Variants in PPP6R1 observed in about 807,000 individuals in gnomAD.
PPP6R1 encodes the protein protein phosphatase 6 regulatory subunit 1.
Under a neutral mutation model 104.6 loss-of-function variants are expected in PPP6R1, and 39 were observed. The observed-to-expected ratio is 0.37, with a 90% CI of 0.29 to 0.49. The LOEUF (loss-of-function observed/expected upper bound fraction) is 0.49, where lower values mean the gene tolerates loss of function less well. Among genes scored for constraint, PPP6R1 ranks in the 20% least tolerant of loss-of-function variants. The probability of loss-of-function intolerance (pLI) is 0.98; values close to 1 mark genes in which losing one functional copy is unlikely to be tolerated. For missense variants in PPP6R1, 1,181 were observed against 1,155.8 expected (o/e 1.02, Z -0.32); for synonymous variants, 549 against 479.0 (o/e 1.15, Z -1.91).
At chr19:55,229,264 G>C (rs1367694585), downstream of PPP6R1, 1 of 159,030 alleles carries the variant, frequency 6.3e-6, no homozygotes, top group Non-Finnish European at 1.4e-5. Flanking sequence ...GGGTGACCAG[G>C]AGGGACCACC....
In PPP6R1 at chr19:55,247,398, G is replaced by T. The variant is rs2087519198; in HGVS notation, c.-6-289C>A. On this transcript the variant is annotated intron_variant, in intron 1 of 23. Coordinates refer to ENST00000412770, the MANE Select transcript of PPP6R1 (RefSeq NM_014931.4). ...CGGCCGCCTCGCCTGAGGTCCAGGGGGTCATTTCACACCTGAGGCCTCAGG... is the reference window on the plus strand; with the variant it reads ...CGGCCGCCTCGCCTGAGGTCCAGGGTGTCATTTCACACCTGAGGCCTCAGG... 2.9e-5 allele frequency: 13 copies of T among 450,960 alleles called. No individual in the cohort carries two copies. In the Admixed American group the frequency reaches 4.8e-4, roughly 17 times the overall value. The allele number at this position is 450,960 out of a possible 1,614,324, so 27.9% of individuals were successfully genotyped here.
At position 55,246,899 on chromosome 19, in the gene PPP6R1, C is replaced by A; in HGVS notation, c.205G>T (p.Gly69Cys). ...CACTTGTAGCGCAGCCGCTCCTCAC[C>A]GCTATCTGGCGGCTCCTGGGTGACC... ...AWVTQEPPDS[G>C]EERLRYKYPS... Residue 69 changes from glycine to cysteine, a missense_variant, in exon 2 of 24, where the codon GGT becomes TGT. Transcript: ENST00000412770. 2 of 1,610,346 alleles carry A rather than the reference C, an allele frequency of 1.2e-6. No homozygotes were observed. Among genetic ancestry groups the A allele is most frequent in the South Asian group, 2.2e-5 (2 of 90,624 alleles).
intron 5 of PPP6R1, among the ~76,000 whole-genome samples, chr19:55,243,368 G>C (rs1185366902): frequency 1.1e-4 from 16 of 145,892 alleles, no homozygotes; most frequent in Admixed American, 1.1e-3. Context: ...AGCCGAGATC[G>C]TGCCACTGCA....
At chr19:55,235,519 C>CTTTTTTTTT (rs1243985127) in intron 17 of PPP6R1, among the ~76,000 whole-genome samples, 1 of 141,992 alleles carries the variant, frequency 7.0e-6, no homozygotes, top group Non-Finnish European at 1.5e-5. Context: ...AATTAGATTC[C>CTTTTTTTTT]TTTTTTTTTT....
intron 1 of PPP6R1, among the ~76,000 whole-genome samples, chr19:55,257,183 G>A (rs1326969974): frequency 1.3e-5 from 2 of 151,902 alleles, no homozygotes; most frequent in Admixed American, 6.6e-5. Flanking sequence ...GTGTCTCCAT[G>A]TGTGTTGTGC....
downstream of PPP6R1, chr19:55,228,877 GTT>G: frequency 2.2e-6 from 2 of 896,608 alleles, no homozygotes; most frequent in Non-Finnish European, 3.5e-6. Context: ...CCAGGGAGAT[GTT>G]GTCCTCACCC....
intron 1 of PPP6R1, among the ~76,000 whole-genome samples, chr19:55,255,301 A>T (rs2087584265): frequency 6.6e-6 from 1 of 152,230 alleles, no homozygotes; most frequent in East Asian, 1.9e-4. Flanking sequence ...GGTTTAAAGG[A>T]AAGAAAGGAA....
chr19:55,254,159 G>A (rs899012714), intron 1 of PPP6R1, among the ~76,000 whole-genome samples: 4 of 152,206 alleles, frequency 2.6e-5, no homozygotes, highest in African/African-American at 9.7e-5. Context: ...CAGACCATTC[G>A]GATACTACGG....
intron 7 of PPP6R1, 86 bp downstream of exon 7, chr19:55,242,080 T>C: frequency 7.6e-7 from 1 of 1,309,732 alleles, no homozygotes; most frequent in South Asian, 1.2e-5. Context: ...GGGATTTCTC[T>C]TGGTGGACAC....
intron 1 of PPP6R1, among the ~76,000 whole-genome samples, chr19:55,251,876 A>G (rs1482828745): frequency 1.3e-5 from 2 of 152,188 alleles, no homozygotes; most frequent in Non-Finnish European, 1.5e-5. Context: ...CAAATTTATC[A>G]TGACTCTGCC....
rs574657141 is a variant in PPP6R1, at chr19:55,232,412, CG to C, written c.1989-202del. The C allele has an allele frequency of 9.5e-5, 66 of 698,070 alleles. No homozygotes were observed. In the South Asian group the frequency reaches 1.4e-3, roughly 15 times the overall value. 43.2% of individuals were successfully genotyped at this position (698,070 alleles called of 1,614,324 possible). A position where few individuals can be genotyped will look rare whatever the true frequency, so the allele number is the denominator to read the frequency against. On this transcript the variant is annotated intron_variant, in intron 17 of 23. Transcript: ENST00000412770. The stretch of plus-strand genomic sequence containing the variant: ...TCTGAGCCAACGGCAAGAACACAGG[CG>C]GGCAGGGACAGAATGCGGCCGTAAG...
Position 55,241,409 on chromosome 19 carries a change from C to G in PPP6R1, c.1009-18G>C. 2 of 1,601,680 alleles carry G rather than the reference C, an allele frequency of 1.2e-6. No homozygotes were observed. Among genetic ancestry groups the G allele is most frequent in the Non-Finnish European group, 1.7e-6 (2 of 1,172,794 alleles). ...GGCTCCAGCTGCAGACACAGGGAGG[C>G]CTGATTCCCAAGGGCTGCCCTTCCT... On this transcript the variant is annotated intron_variant, in intron 8 of 23. Coordinates refer to ENST00000412770, the MANE Select transcript of PPP6R1 (RefSeq NM_014931.4). The surrounding 1 kb of genome is among the most constrained non-coding windows in gnomAD (Gnocchi z 5.4).
chr19:55,230,733 G>GCCCCCCCCGCC, intron 22 of PPP6R1, 41 bp downstream of exon 22: 1 of 1,390,550 alleles, frequency 7.2e-7, no homozygotes, highest in Non-Finnish European at 9.7e-7. Context: ...TGCCCCACCA[G>GCCCCCCCCGCC]CCCCACCCCC....
In PPP6R1 at chr19:55,242,409, G is replaced by A. The variant is rs868511640; in HGVS notation, c.698C>T (p.Pro233Leu). ...REQMIQVQDS[P>L]EPDQLLATLE... ...GGTGGCCAGCAGTTGGTCAGGCTCT[G>A]GGCTGTCCTGGACTTGGATCATCTG... Residue 233 changes from proline (P) to leucine (L), a missense_variant, in exon 6 of 24, where the codon CCA becomes CTA. Pro to Leu is a moderately conservative substitution (Grantham distance 98, BLOSUM62 -3). Around this residue, in one of 2 missense-constraint regions of PPP6R1, gnomAD observed 1,042 missense variants for 955.6 expected, o/e 1.09. Transcript: ENST00000412770. The A allele has an allele frequency of 5.6e-6, 9 of 1,613,804 alleles. No homozygotes were observed. The highest frequency in any genetic ancestry group is 5.3e-5 in the African/African-American group (4 of 74,942).
chr19:55,238,924 T>C (rs2087423327), intron 15 of PPP6R1: 1 of 163,890 alleles, frequency 6.1e-6, no homozygotes, highest in African/African-American at 2.4e-5. Flanking sequence ...GCAGAATTGG[T>C]AATTGGAAAA....
chr19:55,240,301 C>A lies in PPP6R1; in HGVS notation c.1297-1G>T. On this transcript the variant is annotated splice_acceptor_variant, in intron 10 of 23. Coordinates refer to ENST00000412770, the MANE Select transcript of PPP6R1 (RefSeq NM_014931.4). LOFTEE classifies it high-confidence loss of function. ...CCACCAGGCGGCACTGCTGCAGCAG[C>A]TGCGGGAGAGCGGGACAGGATGGCC... 1 of 1,589,490 alleles carries A rather than the reference C, an allele frequency of 6.3e-7. No individual in the cohort carries two copies. The highest frequency in any genetic ancestry group is 1.1e-5 in the South Asian group (1 of 87,032).
At position 55,231,649 on chromosome 19, in the gene PPP6R1, G is replaced by C. The variant is rs755006742; in HGVS notation, c.2326C>G (p.Pro776Ala). 1.2e-6 allele frequency: 2 copies of C among 1,610,042 alleles called. No homozygotes were observed. The highest frequency in any genetic ancestry group is 1.1e-5 in the South Asian group (1 of 90,404). Residue 776 changes from proline (P) to alanine (A), a missense_variant, in exon 20 of 24, where the codon CCC (proline) becomes GCC (alanine). Transcript: ENST00000412770. ...LQLRSQDPTPPSAPQEATEGS... is the reference protein window; with the variant it reads ...LQLRSQDPTPASAPQEATEGS... ...TCTGTGGCTTCCTGAGGTGCTGAGG[G>C]GGGTGTGGGGTCCTGAGACCTGGTA...
chr19:55,249,021 T>C (rs550983444), intron 1 of PPP6R1, among the ~76,000 whole-genome samples: 1 of 152,274 alleles, frequency 6.6e-6, no homozygotes, highest in East Asian at 1.9e-4. Flanking sequence ...GGCAACAATC[T>C]TGATATAACA....
rs1025485034 is a variant in PPP6R1, at chr19:55,241,569, C to G, written c.916G>C (p.Ala306Pro). 1 of 1,582,210 alleles carries G rather than the reference C, an allele frequency of 6.3e-7. No homozygotes were observed. The highest frequency in any genetic ancestry group is 1.8e-5 in the Admixed American group (1 of 55,254). Residue 306 changes from alanine (A) to proline (P), a missense_variant, in exon 8 of 24, where the codon GCC becomes CCC. This residue lies in a region of PPP6R1 where 1,042 missense variants were observed against 955.6 expected (regional missense o/e 1.09). Transcript: ENST00000412770. This position sits in a 1 kb window ranked among gnomAD's most constrained non-coding sequence, Gnocchi z 5.4. ...ACACTGGACACAGTGCTTTCCAGGG[C>G]CCCCTGGGCCAGGAGCTCCAGCTGC... ...DGQLELLAQGALESTVSSVGA... is the reference protein window; with the variant it reads ...DGQLELLAQGPLESTVSSVGA...
Sources: gnomAD v4.1 joint callset for allele counts (sites outside exome capture counted in the v4.1 genomes callset) on GRCh38, gnomAD v4.1.1 for gene constraint, gnomAD v4.1.1 regional missense constraint, Gnocchi (gnomAD v3.1) non-coding constraint, MANE v1.5 for transcripts, NCBI Gene and HGNC (gene_info 2026-07-23, HGNC 2026-07-21) for gene names.